The following SETD2 variants were observed in gnomAD, a reference collection of about 807,000 sequenced individuals.
SETD2 encodes the protein SET domain containing 2, histone lysine methyltransferase.
In SETD2, 31 loss-of-function variants were observed where a neutral mutation model predicts 242.1. That is an observed-to-expected ratio of 0.13 (90% CI 0.10 to 0.17). The LOEUF (loss-of-function observed/expected upper bound fraction) is 0.17. Among genes scored for constraint, SETD2 ranks in the 10% least tolerant of loss-of-function variants. The pLI is 1.00. For synonymous variants in SETD2, 1,006 were observed against 1,066.5 expected (o/e 0.94, Z 1.11); for missense variants, 2,481 against 3,046.3 (o/e 0.81, Z 4.37).
intron 5 of SETD2, among the ~76,000 whole-genome samples, chr3:47,109,967 C>T (rs1434571880): frequency 7.2e-6 from 1 of 138,944 alleles, no homozygotes; most frequent in Non-Finnish European, 1.5e-5. Flanking sequence ...GCCTGAGTGA[C>T]AGAGCAAGAC....
At chr3:47,037,559 C>T (rs1285791650) in intron 18 of SETD2, 107 bp downstream of exon 18, 2 of 772,030 alleles carry the variant, frequency 2.6e-6, no homozygotes, top group East Asian at 2.6e-5. Flanking sequence ...CATGCATAGT[C>T]ACTCACTTAT....
chr3:47,077,033 G>A (rs986560878), intron 12 of SETD2, among the ~76,000 whole-genome samples: 1 of 152,206 alleles, frequency 6.6e-6, no homozygotes. Flanking sequence ...TTGTAAAAGT[G>A]TAAGTAAGAA....
intron 9 of SETD2, among the ~76,000 whole-genome samples, chr3:47,091,351 G>C (rs1359007193): frequency 6.6e-6 from 1 of 152,208 alleles, no homozygotes; most frequent in Non-Finnish European, 1.5e-5. Context: ...TTTTCAGCCA[G>C]ACACAGTGGC....
chr3:47,153,519 G>A (rs1202158716), intron 1 of SETD2, among the ~76,000 whole-genome samples: 3 of 152,216 alleles, frequency 2.0e-5, no homozygotes, highest in African/African-American at 7.2e-5. Context: ...GGAGGCCGAG[G>A]TGGGAGGATT....
At chr3:47,160,159 T>C (rs1697446566) in intron 1 of SETD2, among the ~76,000 whole-genome samples, 1 of 152,080 alleles carries the variant, frequency 6.6e-6, no homozygotes, top group Non-Finnish European at 1.5e-5. Context: ...TTTAAATCTT[T>C]CCTAAATATC....
At chr3:47,050,294 C>T (rs1488534754) in intron 15 of SETD2, among the ~76,000 whole-genome samples, 1 of 151,872 alleles carries the variant, frequency 6.6e-6, no homozygotes, top group Non-Finnish European at 1.5e-5. Context: ...AAAACAAAAA[C>T]TAAGATATAA....
At chr3:47,113,774 G>T in intron 5 of SETD2, 102 bp downstream of exon 5, 1 of 1,120,932 alleles carries the variant, frequency 8.9e-7, no homozygotes, top group East Asian at 2.5e-5. Flanking sequence ...GGGAGGTAGA[G>T]GTTCCAGTGA....
intron 18 of SETD2, among the ~76,000 whole-genome samples, chr3:47,022,902 A>T (rs2038295009): frequency 6.6e-6 from 1 of 152,220 alleles, no homozygotes; most frequent in Non-Finnish European, 1.5e-5. Context: ...AATGGCCTTA[A>T]GCTTATTGGG....
chr3:47,069,383 G>C (rs1436976979), intron 12 of SETD2, among the ~76,000 whole-genome samples: 1 of 152,122 alleles, frequency 6.6e-6, no homozygotes, highest in Non-Finnish European at 1.5e-5. Flanking sequence ...ACTTTCATTA[G>C]AGCTGTGATT....
At chr3:47,057,941 T>C (rs533504049) in intron 14 of SETD2, among the ~76,000 whole-genome samples, 1 of 152,134 alleles carries the variant, frequency 6.6e-6, no homozygotes, top group East Asian at 1.9e-4. Flanking sequence ...AAAATAACCT[T>C]CAAATTCAAA....
chr3:47,032,676 CCGAGA>C (rs1313118770), intron 18 of SETD2, among the ~76,000 whole-genome samples: 5 of 152,110 alleles, frequency 3.3e-5, no homozygotes, highest in African/African-American at 1.2e-4. Flanking sequence ...CTTTAGGAGG[CCGAGA>C]CAAGTGGATC....
At chr3:47,154,888 G>T (rs1276343316) in intron 1 of SETD2, among the ~76,000 whole-genome samples, 1 of 152,148 alleles carries the variant, frequency 6.6e-6, no homozygotes, top group African/African-American at 2.4e-5. Context: ...CAGCTACTCC[G>T]GAGGCTGAGG....
chr3:47,111,079 TAAA>T (rs10672755), intron 5 of SETD2, among the ~76,000 whole-genome samples: 43 of 78,792 alleles, frequency 5.5e-4, no homozygotes, highest in East Asian at 1.9e-3. Flanking sequence ...GTGGTTCCTT[TAAA>T]AAAAAAAAAA....
intron 1 of SETD2, among the ~76,000 whole-genome samples, chr3:47,131,480 A>G (rs947868283): frequency 6.6e-6 from 1 of 151,780 alleles, no homozygotes; most frequent in Non-Finnish European, 1.5e-5. Context: ...AGTAGCTGGG[A>G]CTACAGGCGC....
Position 47,029,820 on chromosome 3 carries a change from C to T in SETD2, c.7350+7846G>A, listed in dbSNP as rs569159956. Among the ~76,000 whole-genome samples, 14 of 152,220 alleles carry T rather than the reference C, an allele frequency of 9.2e-5. No individual in the cohort carries two copies. In the Middle Eastern group the frequency reaches 0.014, roughly 148 times the overall value. ...CAGTTAAACATATTCCTAAAAATAGCATTTTATTCTGGGACTTGACTACAA... is the reference window on the plus strand; with the variant it reads ...CAGTTAAACATATTCCTAAAAATAGTATTTTATTCTGGGACTTGACTACAA... On this transcript the variant is annotated intron_variant, in intron 18 of 20. Transcript: ENST00000409792.
At chr3:47,107,976 T>C (rs563036105) in intron 5 of SETD2, among the ~76,000 whole-genome samples, 6 of 151,772 alleles carry the variant, frequency 4.0e-5, no homozygotes, top group South Asian at 2.1e-4. Flanking sequence ...CAAGACCCCA[T>C]TGCATTAAAA....
At chr3:47,111,284 A>G (rs1559731251) in intron 5 of SETD2, among the ~76,000 whole-genome samples, 2 of 152,086 alleles carry the variant, frequency 1.3e-5, no homozygotes, top group South Asian at 4.1e-4. Context: ...AAAATATTAT[A>G]AAGAATCCAA....
chr3:47,054,700 AT>A (rs1047674371), intron 15 of SETD2, among the ~76,000 whole-genome samples: 4 of 152,204 alleles, frequency 2.6e-5, no homozygotes, highest in African/African-American at 9.6e-5. Flanking sequence ...AACAACAGTC[AT>A]TTTAAACCAA....
intron 4 of SETD2, among the ~76,000 whole-genome samples, chr3:47,116,159 A>G (rs932232958): frequency 2.0e-5 from 3 of 150,538 alleles, no homozygotes; most frequent in African/African-American, 7.4e-5. Flanking sequence ...GTATACATAA[A>G]AAGAGGAAAA....
Sources: gnomAD v4.1 joint callset for allele counts (sites outside exome capture counted in the v4.1 genomes callset) on GRCh38, gnomAD v4.1.1 for gene constraint, MANE v1.5 for transcripts, NCBI Gene and HGNC (gene_info 2026-07-23, HGNC 2026-07-21) for gene names.